The following ZZZ3 variants were observed in gnomAD, a reference collection of about 807,000 sequenced individuals.
ZZZ3 encodes ZZ-type zinc finger-containing protein 3.
In ZZZ3, 22 loss-of-function variants were observed where a neutral mutation model predicts 95.2. The observed-to-expected ratio is 0.23, with a 90% CI of 0.17 to 0.33. The LOEUF is 0.33. ZZZ3 is among the 10% of genes least tolerant of loss of function. The probability of loss-of-function intolerance (pLI) is 1.00; values close to 1 mark genes in which losing one functional copy is unlikely to be tolerated. For missense variants in ZZZ3, 885 were observed against 1,066.5 expected, an observed-to-expected ratio of 0.83 and a Z score of 2.37; for synonymous variants, 335 against 358.9, an observed-to-expected ratio of 0.93 and a Z score of 0.75.
intron 1 of ZZZ3, among the ~76,000 whole-genome samples, chr1:77,656,436 C>G (rs1670273237): frequency 4.6e-5 from 7 of 151,998 alleles, no homozygotes; most frequent in Admixed American, 4.6e-4. Context: ...TCTGTCAACA[C>G]AACAATCAAA....
At chr1:77,664,166 C>T (rs528119875) in intron 1 of ZZZ3, among the ~76,000 whole-genome samples, 182 of 151,870 alleles carry the variant, frequency 1.2e-3, no homozygotes, top group Middle Eastern at 0.011. Flanking sequence ...TCTATTTAAA[C>T]AACTGTAGTA....
At chr1:77,570,267 T>G (rs1320461807) in intron 12 of ZZZ3, among the ~76,000 whole-genome samples, 4 of 152,178 alleles carry the variant, frequency 2.6e-5, no homozygotes, top group Admixed American at 2.6e-4. Context: ...CACACCCAGC[T>G]AATTTTTTTG....
intron 5 of ZZZ3, among the ~76,000 whole-genome samples, chr1:77,608,183 C>T (rs1665442628): frequency 6.6e-6 from 1 of 151,878 alleles, no homozygotes; most frequent in Non-Finnish European, 1.5e-5. Context: ...GAGATTTAGC[C>T]CAAAGAAAAC....
At chr1:77,591,814 G>A (rs1265643615) in intron 5 of ZZZ3, among the ~76,000 whole-genome samples, 1 of 152,106 alleles carries the variant, frequency 6.6e-6, no homozygotes, top group Non-Finnish European at 1.5e-5. Flanking sequence ...GAAAAAAACA[G>A]GTACTTGTTT....
intron 11 of ZZZ3, among the ~76,000 whole-genome samples, chr1:77,577,303 T>TA (rs147391490): frequency 6.6e-6 from 1 of 152,342 alleles, no homozygotes; most frequent in Non-Finnish European, 1.5e-5. Context: ...TATCCAGTGT[T>TA]AATGATGAAA....
chr1:77,599,454 AT>A lies in ZZZ3; in HGVS notation c.1506-14800del, dbSNP rs1441114925. Among the ~76,000 whole-genome samples, 4 of 152,168 alleles carry A rather than the reference AT, an allele frequency of 2.6e-5. No individual in the cohort carries two copies. The East Asian group carries it at 7.7e-4, about 29-fold the overall frequency. The stretch of plus-strand genomic sequence containing the variant: ...CCACTTTACAGATGACATAAACAAA[AT>A]TCAGAAAAGTTAAGTATGGGTGGAA... On this transcript the variant is annotated intron_variant, in intron 5 of 14. Coordinates refer to ENST00000370801, the MANE Select transcript of ZZZ3 (RefSeq NM_015534.6).
chr1:77,619,132 A>T (rs1031616725), intron 5 of ZZZ3, among the ~76,000 whole-genome samples: 7 of 152,188 alleles, frequency 4.6e-5, no homozygotes, highest in African/African-American at 1.4e-4. Flanking sequence ...CTATTCTATG[A>T]AACAATCCAC....
chr1:77,653,388 T>TA (rs1205460697), intron 1 of ZZZ3, among the ~76,000 whole-genome samples: 1 of 152,220 alleles, frequency 6.6e-6, no homozygotes, highest in Non-Finnish European at 1.5e-5. Flanking sequence ...GTAAATATAC[T>TA]AAAAATCACC....
chr1:77,611,578 C>CA (rs1368670326), intron 5 of ZZZ3, among the ~76,000 whole-genome samples: 1 of 151,870 alleles, frequency 6.6e-6, no homozygotes, highest in Non-Finnish European at 1.5e-5. Context: ...GCATCACACT[C>CA]AATGATTTCA....
chr1:77,563,899 A>G lies in ZZZ3; in HGVS notation c.*1741T>C, dbSNP rs879741542. 1 of 152,000 alleles carries G rather than the reference A, an allele frequency of 6.6e-6. No individual in the cohort carries two copies. The highest frequency in any genetic ancestry group is 2.4e-5 in the African/African-American group (1 of 41,398). The allele number at this position is 152,000 out of a possible 1,614,324, so 9.4% of individuals were successfully genotyped here. On this transcript the variant is annotated 3_prime_UTR_variant, in exon 15 of 15. Coordinates refer to ENST00000370801, the MANE Select transcript of ZZZ3 (RefSeq NM_015534.6). ...ATCAATATATTACTTTAAAATTCTCATATTTCTATATTTAAAATTCTATTA... is the reference window on the plus strand; with the variant it reads ...ATCAATATATTACTTTAAAATTCTCGTATTTCTATATTTAAAATTCTATTA...
intron 1 of ZZZ3, among the ~76,000 whole-genome samples, chr1:77,642,587 CAA>C (rs59885886): frequency 1.0e-3 from 143 of 142,588 alleles, no homozygotes; most frequent in Admixed American, 9.1e-4. Flanking sequence ...CTAAACAAAA[CAA>C]AAAAAAAAAA....
At chr1:77,578,062 A>G (rs1236854705) in intron 11 of ZZZ3, among the ~76,000 whole-genome samples, 2 of 152,126 alleles carry the variant, frequency 1.3e-5, no homozygotes, top group Non-Finnish European at 2.9e-5. Context: ...CAGCTAAGCA[A>G]CTAGATAATT....
rs534198007 is a variant in ZZZ3 at position 77,570,331 on chromosome 1, C to T, written c.2332-1865G>A. The stretch of plus-strand genomic sequence containing the variant: ...TGTTAGCCGGGATGGTCTCGATCTC[C>T]TGACCTCGTGATCTGCCTGCCTCAG... On this transcript the variant is annotated intron_variant, in intron 12 of 14. Coordinates refer to ENST00000370801, the MANE Select transcript of ZZZ3 (RefSeq NM_015534.6). Among the ~76,000 whole-genome samples the T allele has an allele frequency of 3.8e-3, 580 of 152,312 alleles. 5 individuals carry two copies. Among genetic ancestry groups the T allele is most frequent in the African/African-American group, 0.013 (547 of 41,560 alleles).
chr1:77,612,438 G>C (rs1665902921), intron 5 of ZZZ3, among the ~76,000 whole-genome samples: 1 of 151,878 alleles, frequency 6.6e-6, no homozygotes. Context: ...TCCCTCCTCT[G>C]GGCATTTACC....
At position 77,679,057 on chromosome 1, in the gene ZZZ3, G is replaced by A. The variant is rs142237338; in HGVS notation, c.-403+3528C>T. On this transcript the variant is annotated intron_variant, in intron 1 of 14. Coordinates refer to ENST00000370801, the MANE Select transcript of ZZZ3 (RefSeq NM_015534.6). ...CCTACATAAATGAGAAAAATCAGCT[G>A]AAAAGAAAAACAGAAAGGTGAGAAC... Among the ~76,000 whole-genome samples, 48 of 152,196 alleles carry A rather than the reference G, an allele frequency of 3.2e-4. 3 individuals are homozygous for A. Among genetic ancestry groups the A allele is most frequent in the African/African-American group, 1.2e-3 (48 of 41,526 alleles).
intron 5 of ZZZ3, among the ~76,000 whole-genome samples, chr1:77,597,186 C>T (rs1664294769): frequency 6.6e-6 from 1 of 151,948 alleles, no homozygotes; most frequent in Non-Finnish European, 1.5e-5. Flanking sequence ...ATCACAGGGA[C>T]ACAAAAGCCA....
rs1663696849 is a variant in ZZZ3, at chr1:77,591,525, G to A, written c.1506-6870C>T. 3.3e-5 allele frequency among the ~76,000 whole-genome samples: 5 copies of A among 152,184 alleles called. No homozygotes were observed. The Middle Eastern group carries it at 0.01, about 311-fold the overall frequency. On this transcript the variant is annotated intron_variant, in intron 5 of 14. Coordinates refer to ENST00000370801, the MANE Select transcript of ZZZ3 (RefSeq NM_015534.6). ...CCTGGCTAATTTTAAAAACATTTTT[G>A]TAGAGACAGGTTCTTGCTATGTGGC...
At chr1:77,591,129 A>G (rs1178500385) in intron 5 of ZZZ3, among the ~76,000 whole-genome samples, 1 of 151,602 alleles carries the variant, frequency 6.6e-6, no homozygotes, top group Non-Finnish European at 1.5e-5. Context: ...GAAAACAACC[A>G]GAGGACATAA....
intron 1 of ZZZ3, among the ~76,000 whole-genome samples, chr1:77,676,327 A>T (rs1014053906): frequency 6.6e-6 from 1 of 152,142 alleles, no homozygotes; most frequent in Non-Finnish European, 1.5e-5. Context: ...CCACCACACC[A>T]GGCTAATTTT....
Sources: allele counts gnomAD v4.1 joint callset (sites outside exome capture counted in the v4.1 genomes callset), GRCh38; gene constraint gnomAD v4.1.1; transcripts MANE v1.5; gene names NCBI Gene and HGNC (gene_info 2026-07-23, HGNC 2026-07-21).